The following KLHL4 variants were observed in gnomAD, a reference collection of about 807,000 sequenced individuals.
The protein encoded by KLHL4 is kelch-like protein 4.
In KLHL4, 17 loss-of-function variants were observed where a neutral mutation model predicts 45.8. The ratio of observed to expected loss-of-function variants is 0.37; its 90% CI spans 0.25 to 0.56. KLHL4 has a LOEUF of 0.56. Among genes scored for constraint, KLHL4 ranks in the 20% least tolerant of loss-of-function variants. The probability of loss-of-function intolerance (pLI) is 0.79; values close to 1 mark genes in which losing one functional copy is unlikely to be tolerated. For missense variants in KLHL4, 544 were observed against 544.9 expected (o/e 1.00, Z 0.02); for synonymous variants, 224 against 189.9 (o/e 1.18, Z -1.47).
At chrX:87,625,920 G>T in intron 6 of KLHL4, 124 bp downstream of exon 6, 1 of 505,026 alleles carries the variant, frequency 2.0e-6, no homozygotes, top group Non-Finnish European at 3.1e-6. Context: ...TAAATAGGGT[G>T]CATTATATGA....
chrX:87,560,550 C>T (rs1303428519), intron 1 of KLHL4, among the ~76,000 whole-genome samples: 1 of 111,225 alleles, frequency 9.0e-6, no homozygotes, highest in African/African-American at 3.3e-5. Context: ...TATAGCAGAT[C>T]TCCGTAACTT....
chrX:87,592,120 A>G (rs1045214666), intron 1 of KLHL4, among the ~76,000 whole-genome samples: 1 of 109,896 alleles, frequency 9.1e-6, no homozygotes, highest in Non-Finnish European at 1.9e-5. Context: ...TGTTTGTTTT[A>G]CTATGCCTGG....
chrX:87,658,944 A>G (rs1368046546), intron 9 of KLHL4, among the ~76,000 whole-genome samples: 1 of 110,624 alleles, frequency 9.0e-6, no homozygotes, highest in Non-Finnish European at 1.9e-5. Flanking sequence ...TTGACAGTTT[A>G]TAATGTGTCT....
chrX:87,611,781 A>C (rs1922384114), intron 1 of KLHL4, among the ~76,000 whole-genome samples: 1 of 110,666 alleles, frequency 9.0e-6, no homozygotes, highest in Non-Finnish European at 1.9e-5. Flanking sequence ...TTCAGGAGGC[A>C]TTCCAGAAGA....
At chrX:87,527,992 C>T (rs1162338401) in intron 1 of KLHL4, among the ~76,000 whole-genome samples, 1 of 110,737 alleles carries the variant, frequency 9.0e-6, no homozygotes, top group East Asian at 2.8e-4. Flanking sequence ...GAGCCTACAC[C>T]TGATGGTAAA....
chrX:87,645,398 C>T (rs954081086), intron 9 of KLHL4, among the ~76,000 whole-genome samples: 26 of 111,337 alleles, frequency 2.3e-4, no homozygotes, highest in African/African-American at 7.5e-4. Flanking sequence ...AATCAAAAAA[C>T]GGTAGATGCC....
intron 1 of KLHL4, among the ~76,000 whole-genome samples, chrX:87,548,161 G>T (rs1278162295): frequency 8.9e-6 from 1 of 111,958 alleles, no homozygotes; most frequent in Non-Finnish European, 1.9e-5. Flanking sequence ...TCTGGCAGCA[G>T]ACTCCTCAGT....
At chrX:87,630,900 CA>C (rs1379090352) in intron 6 of KLHL4, among the ~76,000 whole-genome samples, 1 of 111,529 alleles carries the variant, frequency 9.0e-6, no homozygotes, top group African/African-American at 3.3e-5. Context: ...AAGACATGGA[CA>C]CACAAAGAGT....
chrX:87,594,852 A>G (rs767531202), intron 1 of KLHL4, among the ~76,000 whole-genome samples: 2 of 111,402 alleles, frequency 1.8e-5, no homozygotes, highest in East Asian at 2.8e-4. Flanking sequence ...TGTTTGTTCT[A>G]TGCTAAAGAA....
At chrX:87,558,760 C>T (rs67929085) in intron 1 of KLHL4, among the ~76,000 whole-genome samples, 24,959 of 111,271 alleles carry the variant, frequency 0.22, 2,084 homozygotes, top group Non-Finnish European at 0.26. Flanking sequence ...TAGAAACATC[C>T]TTCCTTCATT....
intron 2 of KLHL4, 51 bp downstream of exon 2, chrX:87,614,095 A>G (rs1274427731): frequency 3.4e-6 from 3 of 876,320 alleles, no homozygotes; most frequent in Non-Finnish European, 4.8e-6. Context: ...AATTATAAAT[A>G]AGAGATAATG....
intron 1 of KLHL4, among the ~76,000 whole-genome samples, chrX:87,572,550 G>T (rs778004583): frequency 4.5e-5 from 5 of 110,619 alleles, no homozygotes; most frequent in Admixed American, 3.9e-4. Flanking sequence ...GATAGGACTT[G>T]TGGTAGCTGA....
chrX:87,549,570 T>C (rs1232213311), intron 1 of KLHL4, among the ~76,000 whole-genome samples: 1 of 111,634 alleles, frequency 9.0e-6, no homozygotes. Flanking sequence ...ATATGAAGGA[T>C]CTTCTCTGAA....
intron 9 of KLHL4, among the ~76,000 whole-genome samples, chrX:87,650,249 C>T (rs1923768592): frequency 9.0e-6 from 1 of 110,917 alleles, no homozygotes; most frequent in Non-Finnish European, 1.9e-5. Flanking sequence ...GCATGTGCCA[C>T]CACACTCGGC....
At chrX:87,661,301 T>C (rs1335333133) in intron 9 of KLHL4, among the ~76,000 whole-genome samples, 1 of 111,681 alleles carries the variant, frequency 9.0e-6, no homozygotes, top group Non-Finnish European at 1.9e-5. Flanking sequence ...TGTATGAAAC[T>C]ATATAAGTTG....
chrX:87,657,239 G>A (rs1924022860), intron 9 of KLHL4, among the ~76,000 whole-genome samples: 1 of 112,172 alleles, frequency 8.9e-6, no homozygotes, highest in Non-Finnish European at 1.9e-5. Flanking sequence ...TCAGGAGAAG[G>A]CCTCTGGTGC....
intron 9 of KLHL4, among the ~76,000 whole-genome samples, chrX:87,638,831 G>A (rs58408065): frequency 0.02 from 2,203 of 111,408 alleles, 63 homozygotes; most frequent in African/African-American, 0.068. Context: ...GTATAGAATA[G>A]TACCTCACAT....
intron 5 of KLHL4, among the ~76,000 whole-genome samples, chrX:87,625,154 G>A: frequency 8.9e-6 from 1 of 112,824 alleles, no homozygotes; most frequent in Non-Finnish European, 1.9e-5. Flanking sequence ...TTCAAAGGAT[G>A]AATAATGTGT....
chrX:87,595,144 A>G (rs1232144903), intron 1 of KLHL4, among the ~76,000 whole-genome samples: 2 of 110,125 alleles, frequency 1.8e-5, no homozygotes, highest in Non-Finnish European at 3.8e-5. Flanking sequence ...ACCATTAGGT[A>G]TATCTCCTAA....
Sources: allele counts gnomAD v4.1 joint callset (sites outside exome capture counted in the v4.1 genomes callset), GRCh38; gene constraint gnomAD v4.1.1; transcripts MANE v1.5; gene names NCBI Gene and HGNC (gene_info 2026-07-23, HGNC 2026-07-21).